CDH13: variants seen among roughly 807,000 people sequenced by gnomAD.
CDH13 encodes the protein cadherin-13.
In CDH13, 24 loss-of-function variants were observed where a neutral mutation model predicts 63.8. The ratio of observed to expected loss-of-function variants is 0.38; its 90% CI spans 0.27 to 0.53. The LOEUF (loss-of-function observed/expected upper bound fraction) is 0.53, where lower values mean the gene tolerates loss of function less well. CDH13 is among the 20% of genes least tolerant of loss of function. The pLI is 0.85. For synonymous variants in CDH13, 503 were observed against 355.3 expected (o/e 1.42, Z -4.67); for missense variants, 1,049 against 903.1 (o/e 1.16, Z -2.07).
intron 6 of CDH13, among the ~76,000 whole-genome samples, chr16:83,473,025 A>T (rs114955762): frequency 6.6e-6 from 1 of 152,112 alleles, no homozygotes; most frequent in African/African-American, 2.4e-5. Flanking sequence ...GGTGGCCTGG[A>T]AAAAGCTACC....
intron 7 of CDH13, among the ~76,000 whole-genome samples, chr16:83,558,669 A>T (rs756322554): frequency 7.2e-5 from 11 of 152,022 alleles, no homozygotes; most frequent in Non-Finnish European, 1.3e-4. Context: ...AATTGCCTGT[A>T]TTTGAGTGTT....
At chr16:83,732,133 T>C (rs1265783829) in intron 10 of CDH13, among the ~76,000 whole-genome samples, 4 of 152,234 alleles carry the variant, frequency 2.6e-5, no homozygotes, top group Non-Finnish European at 4.4e-5. Context: ...GTTTCCATTC[T>C]AGTGGGAAGA....
chr16:83,766,831 G>C (rs1914421514), intron 11 of CDH13, among the ~76,000 whole-genome samples: 1 of 152,082 alleles, frequency 6.6e-6, no homozygotes, highest in Admixed American at 6.5e-5. Flanking sequence ...CCTTCATGCT[G>C]TTCTCATGGT....
intron 8 of CDH13, among the ~76,000 whole-genome samples, chr16:83,630,724 C>G (rs1023568826): frequency 5.9e-5 from 9 of 152,190 alleles, no homozygotes; most frequent in Admixed American, 5.2e-4. Context: ...GATGAGCGAT[C>G]AGTTTACGTT....
chr16:83,739,652 G>A (rs1057003803), intron 10 of CDH13, among the ~76,000 whole-genome samples: 5 of 152,174 alleles, frequency 3.3e-5, no homozygotes, highest in African/African-American at 1.2e-4. Flanking sequence ...ATAGAAGTGG[G>A]AGTTTGGCTG....
intron 6 of CDH13, among the ~76,000 whole-genome samples, chr16:83,357,277 T>C (rs1208650860): frequency 6.6e-6 from 1 of 152,136 alleles, no homozygotes; most frequent in African/African-American, 2.4e-5. Context: ...TGGCTCACAC[T>C]AAAGTCATAA....
At chr16:83,177,166 C>T (rs1242712877) in intron 4 of CDH13, among the ~76,000 whole-genome samples, 1 of 152,130 alleles carries the variant, frequency 6.6e-6, no homozygotes, top group Admixed American at 6.5e-5. Flanking sequence ...TAGTGGCTAA[C>T]ATTTTAGACA....
At chr16:82,769,527 A>C (rs1226638432) in intron 1 of CDH13, among the ~76,000 whole-genome samples, 4 of 152,208 alleles carry the variant, frequency 2.6e-5, no homozygotes, top group African/African-American at 9.6e-5. Context: ...AATTCTGGAG[A>C]ATGGTAACAT....
At chr16:83,681,459 A>T (rs925756961) in intron 10 of CDH13, among the ~76,000 whole-genome samples, 2 of 151,810 alleles carry the variant, frequency 1.3e-5, no homozygotes, top group Non-Finnish European at 2.9e-5. Flanking sequence ...CTCTGGCCTC[A>T]CTCCTCAGGC....
At chr16:82,795,182 G>C (rs1418665335) in intron 1 of CDH13, among the ~76,000 whole-genome samples, 3 of 152,148 alleles carry the variant, frequency 2.0e-5, no homozygotes, top group Non-Finnish European at 4.4e-5. Flanking sequence ...TTTTAGCTCT[G>C]GTCTGAGAGT....
chr16:83,478,007 T>C (rs2220473), intron 6 of CDH13, among the ~76,000 whole-genome samples: 48,491 of 151,282 alleles, frequency 0.32, 7,803 homozygotes, highest in Middle Eastern at 0.38. Flanking sequence ...TGGTGAAACC[T>C]CATCTCTACT....
chr16:83,271,422 T>TAAAAAGAAAAA (rs2088807063), intron 5 of CDH13, among the ~76,000 whole-genome samples: 1 of 26,004 alleles, frequency 3.8e-5, no homozygotes, highest in Non-Finnish European at 7.1e-5. Context: ...GCAGAGTTCA[T>TAAAAAGAAAAA]AAAAAAAAAA....
rs992907112 is a variant in CDH13 at position 83,185,833 on chromosome 16, G to T, written c.484-31512G>T. ...CACATTCTCCTGCCACTGATGGATA[G>T]ATTTATGCATTTGAAACATTTTTTA... On this transcript the variant is annotated intron_variant, in intron 4 of 13. Coordinates refer to ENST00000567109, the MANE Select transcript of CDH13 (RefSeq NM_001257.5). 2.0e-5 allele frequency among the ~76,000 whole-genome samples: 3 copies of T among 152,258 alleles called. No homozygotes were observed. The East Asian group carries it at 5.8e-4, about 29-fold the overall frequency.
intron 1 of CDH13, among the ~76,000 whole-genome samples, chr16:82,668,345 G>C (rs1189794316): frequency 6.6e-6 from 1 of 152,136 alleles, no homozygotes; most frequent in Admixed American, 6.5e-5. Flanking sequence ...TAATTAAAGG[G>C]TGCCTAGGAC....
chr16:83,376,432 G>A (rs753172317), intron 6 of CDH13, among the ~76,000 whole-genome samples: 1 of 152,174 alleles, frequency 6.6e-6, no homozygotes, highest in Non-Finnish European at 1.5e-5. Flanking sequence ...CTGATATCAA[G>A]AGCAAGGAGA....
intron 7 of CDH13, among the ~76,000 whole-genome samples, chr16:83,578,950 T>C (rs1415750999): frequency 6.6e-6 from 1 of 152,150 alleles, no homozygotes; most frequent in African/African-American, 2.4e-5. Context: ...AGTAGCGGAG[T>C]CAATCTTTGA....
At chr16:83,367,052 A>G (rs11643358) in intron 6 of CDH13, among the ~76,000 whole-genome samples, 15,557 of 152,238 alleles carry the variant, frequency 0.1, 961 homozygotes, top group Non-Finnish European at 0.14. Context: ...TTACACAATC[A>G]TCGCCACAAT....
At chr16:83,467,405 C>G (rs889964560) in intron 6 of CDH13, among the ~76,000 whole-genome samples, 3 of 152,252 alleles carry the variant, frequency 2.0e-5, no homozygotes, top group Admixed American at 1.3e-4. Flanking sequence ...TTCATCTTCC[C>G]CAGCCACTTT....
At chr16:82,902,022 T>TA (rs1375396316) in intron 2 of CDH13, among the ~76,000 whole-genome samples, 4 of 152,222 alleles carry the variant, frequency 2.6e-5, no homozygotes, top group African/African-American at 9.6e-5. Flanking sequence ...ACATAGCTAT[T>TA]ACGTGGCAGA....
Sources: allele counts gnomAD v4.1 joint callset (sites outside exome capture counted in the v4.1 genomes callset), GRCh38; gene constraint gnomAD v4.1.1; transcripts MANE v1.5; gene names NCBI Gene and HGNC (gene_info 2026-07-23, HGNC 2026-07-21).